Variants in SIK2 observed in about 807,000 individuals in gnomAD.
SIK2 encodes the protein serine/threonine-protein kinase SIK2.
SIK2 carries 29 observed loss-of-function variants against 103.2 expected under a neutral mutation model. The ratio of observed to expected loss-of-function variants is 0.28; its 90% CI spans 0.21 to 0.38. The LOEUF (loss-of-function observed/expected upper bound fraction) is 0.38. SIK2 is among the 10% of genes least tolerant of loss of function. The pLI is 1.00. For missense variants in SIK2, 879 were observed against 1,171.0 expected (o/e 0.75, Z 3.64); for synonymous variants, 412 against 446.1 (o/e 0.92, Z 0.96).
intron 3 of SIK2, among the ~76,000 whole-genome samples, chr11:111,627,128 A>T (rs1941971589): frequency 6.6e-6 from 1 of 152,132 alleles, no homozygotes; most frequent in Non-Finnish European, 1.5e-5. Context: ...AAGCATAGTA[A>T]ACTGTAGATT....
chr11:111,627,551 G>A (rs1236583093), intron 3 of SIK2, among the ~76,000 whole-genome samples: 1 of 152,114 alleles, frequency 6.6e-6, no homozygotes, highest in Non-Finnish European at 1.5e-5. Context: ...TTAGAACACA[G>A]CCCCTGCAGA....
At chr11:111,718,761 G>A (rs977934728) in intron 9 of SIK2, 19 of 152,210 alleles carry the variant, frequency 1.2e-4, no homozygotes, top group African/African-American at 4.6e-4. Flanking sequence ...TGTTTTCCAG[G>A]TGAAAGTACT....
At position 111,631,058 on chromosome 11, in the gene SIK2, G is replaced by T. The variant is rs559869900; in HGVS notation, c.316+10656G>T. On this transcript the variant is annotated intron_variant, in intron 3 of 14. Coordinates refer to ENST00000304987, the MANE Select transcript of SIK2 (RefSeq NM_015191.3). ...TAGACAAGAGACAATGGGATTAAGG[G>T]CACAGAGGGAATGATTAGTTTAGAA... Among the ~76,000 whole-genome samples the T allele has an allele frequency of 3.1e-3, 467 of 152,228 alleles. 7 individuals carry two copies. Among genetic ancestry groups the T allele is most frequent in the Non-Finnish European group, 6.0e-4 (41 of 68,002 alleles).
chr11:111,681,184 G>A (rs1448717279), intron 3 of SIK2, among the ~76,000 whole-genome samples: 3 of 152,158 alleles, frequency 2.0e-5, no homozygotes, highest in African/African-American at 7.2e-5. Context: ...CCAGGGCAGA[G>A]TTTCTTAACC....
rs759743307 is a variant in SIK2 at position 111,719,779 on chromosome 11, A to G, written c.1271A>G (p.Asn424Ser). The stretch of plus-strand genomic sequence containing the variant: ...CCTCTCTCCCCTGGCGTTTAGGTCA[A>G]TGGCTGTCTGCTTGACCCTGTGCCT... Reference protein sequence around the residue: ...EEECVDTPKVNGCLLDPVPPV... With the variant: ...EEECVDTPKVSGCLLDPVPPV... Residue 424 changes from asparagine to serine, a missense_variant, in exon 10 of 15, where the codon AAT becomes AGT. Asn to Ser is a conservative substitution (Grantham distance 46). Transcript: ENST00000304987. 29 of 1,612,852 alleles carry G rather than the reference A, an allele frequency of 1.8e-5. No homozygotes were observed. The highest frequency in any genetic ancestry group is 2.2e-5 in the East Asian group (1 of 44,900).
At chr11:111,606,007 A>C (rs1941644044) in intron 1 of SIK2, among the ~76,000 whole-genome samples, 1 of 152,208 alleles carries the variant, frequency 6.6e-6, no homozygotes, top group African/African-American at 2.4e-5. Context: ...TAATTTTATA[A>C]AATTAGCATA....
At chr11:111,657,307 T>C (rs1258041349) in intron 3 of SIK2, among the ~76,000 whole-genome samples, 1 of 152,212 alleles carries the variant, frequency 6.6e-6, no homozygotes, top group East Asian at 1.9e-4. Flanking sequence ...TTGTAGTCTT[T>C]GAGGTGATTT....
intron 3 of SIK2, among the ~76,000 whole-genome samples, chr11:111,686,680 T>A (rs1164716557): frequency 6.6e-6 from 1 of 152,236 alleles, no homozygotes. Context: ...GGTGAAATGT[T>A]AATGAGTGGT....
At chr11:111,625,657 A>G (rs1941952358) in intron 3 of SIK2, among the ~76,000 whole-genome samples, 3 of 152,224 alleles carry the variant, frequency 2.0e-5, no homozygotes, top group Admixed American at 6.5e-5. Context: ...ACAGTTGACC[A>G]TTGTATACTG....
Position 111,670,071 on chromosome 11 carries a change from C to A in SIK2, c.317-17930C>A, listed in dbSNP as rs76170830. On this transcript the variant is annotated intron_variant, in intron 3 of 14. Transcript: ENST00000304987. ...TCCTATTATAATTATTCTCCTCCGA[C>A]TATTTTGAACTGTACATTGGATTAT... Among the ~76,000 whole-genome samples, 655 of 152,236 alleles carry A rather than the reference C, an allele frequency of 4.3e-3. 5 individuals are homozygous for A. The highest frequency in any genetic ancestry group is 0.015 in the African/African-American group (635 of 41,524).
Position 111,705,976 on chromosome 11 carries a change from T to G in SIK2, c.1101+837T>G, listed in dbSNP as rs1265238820. Among the ~76,000 whole-genome samples, 1 of 152,134 alleles carries G rather than the reference T, an allele frequency of 6.6e-6. No homozygotes were observed. The highest frequency in any genetic ancestry group is 1.5e-5 in the Non-Finnish European group (1 of 68,032). On this transcript the variant is annotated intron_variant, in intron 8 of 14. Coordinates refer to ENST00000304987, the MANE Select transcript of SIK2 (RefSeq NM_015191.3). The surrounding 1 kb of genome is among the most constrained non-coding windows in gnomAD (Gnocchi z 4.3). ...TATAAGAACCATCTTAGAGGTAGAC[T>G]CTGTATGAAGTTAGCAATGGTTCGG...
chr11:111,701,085 C>A lies in SIK2; in HGVS notation c.603+75C>A. On this transcript the variant is annotated intron_variant, in intron 5 of 14. Coordinates refer to ENST00000304987, the MANE Select transcript of SIK2 (RefSeq NM_015191.3). This position sits in a 1 kb window ranked among gnomAD's most constrained non-coding sequence, Gnocchi z 4.2. The stretch of plus-strand genomic sequence containing the variant: ...TTGGTGTTCTGGCCCATCTTAGAAG[C>A]TCCTGGTACTTAACACATAAGCAGT... The A allele has an allele frequency of 6.5e-7, 1 of 1,536,312 alleles. No homozygotes were observed. Among genetic ancestry groups the A allele is most frequent in the Non-Finnish European group, 8.8e-7 (1 of 1,134,750 alleles).
chr11:111,714,441 A>T (rs1943582515), intron 9 of SIK2, among the ~76,000 whole-genome samples: 1 of 152,260 alleles, frequency 6.6e-6, no homozygotes, highest in Admixed American at 6.5e-5. Context: ...CATGTTGCAC[A>T]TCAGAAAGTT....
chr11:111,689,704 C>T (rs868814506), intron 4 of SIK2, among the ~76,000 whole-genome samples: 14 of 152,238 alleles, frequency 9.2e-5, no homozygotes, highest in Non-Finnish European at 1.9e-4. Flanking sequence ...GTAGCTTCCT[C>T]GGTTTGCTGT....
intron 3 of SIK2, among the ~76,000 whole-genome samples, chr11:111,684,730 T>C (rs942348340): frequency 6.6e-6 from 1 of 152,242 alleles, no homozygotes; most frequent in Non-Finnish European, 1.5e-5. Context: ...TTCTTAAACA[T>C]AATCTGTCTC....
intron 1 of SIK2, among the ~76,000 whole-genome samples, chr11:111,607,747 A>G (rs1941666504): frequency 1.3e-5 from 2 of 152,214 alleles, no homozygotes; most frequent in African/African-American, 2.4e-5. Context: ...AGTATTTGTC[A>G]AAGTATTCTG....
chr11:111,700,296 G>A (rs1024895422), intron 4 of SIK2, among the ~76,000 whole-genome samples: 1 of 152,204 alleles, frequency 6.6e-6, no homozygotes, highest in Non-Finnish European at 1.5e-5. Context: ...TAGGTGGCTT[G>A]TGGCTGGGCT....
At chr11:111,631,619 G>A (rs1475496682) in intron 3 of SIK2, among the ~76,000 whole-genome samples, 1 of 152,178 alleles carries the variant, frequency 6.6e-6, no homozygotes, top group Non-Finnish European at 1.5e-5. Context: ...AGAGGTTCAA[G>A]TACTTTAAGG....
chr11:111,727,114 C>G lies in SIK2; in HGVS notation c.*2985C>G. The G allele has an allele frequency of 2.0e-6, 3 of 1,478,434 alleles. No individual in the cohort carries two copies. Among genetic ancestry groups the G allele is most frequent in the Non-Finnish European group, 2.8e-6 (3 of 1,059,414 alleles). The allele number at this position is 1,478,434 out of a possible 1,614,324, so 91.6% of individuals were successfully genotyped here. On this transcript the variant is annotated 3_prime_UTR_variant, in exon 15 of 15. Coordinates refer to ENST00000304987, the MANE Select transcript of SIK2 (RefSeq NM_015191.3). ...GAAGAGGGGGCCCACTTTCACATTC[C>G]CGGTGACACTGACCGTCCCCAGCTG...
Sources: gnomAD v4.1 joint callset for allele counts (sites outside exome capture counted in the v4.1 genomes callset) on GRCh38, gnomAD v4.1.1 for gene constraint, Gnocchi (gnomAD v3.1) non-coding constraint, MANE v1.5 for transcripts, NCBI Gene and HGNC (gene_info 2026-07-23, HGNC 2026-07-21) for gene names.